The following NOL4L variants were observed in gnomAD, a reference collection of about 807,000 sequenced individuals.
NOL4L encodes the protein nucleolar protein 4 like.
NOL4L carries 7 observed loss-of-function variants against 64.5 expected under a neutral mutation model. The ratio of observed to expected loss-of-function variants is 0.11; its 90% confidence interval spans 0.06 to 0.20. NOL4L has a LOEUF of 0.20. NOL4L is among the 10% of genes least tolerant of loss of function. NOL4L has a pLI of 1.00. For synonymous variants in NOL4L, 413 were observed against 401.0 expected (o/e 1.03, Z -0.36); for missense variants, 680 against 967.1 (o/e 0.70, Z 3.94).
intron 2 of NOL4L, among the ~76,000 whole-genome samples, chr20:32,525,016 C>G (rs1026014491): frequency 1.3e-5 from 2 of 152,248 alleles, no homozygotes; most frequent in African/African-American, 2.4e-5. Context: ...AATTCCAGCT[C>G]TGTGTGCAGC....
chr20:32,479,346 C>T (rs750264391), intron 4 of NOL4L, among the ~76,000 whole-genome samples: 3 of 152,204 alleles, frequency 2.0e-5, no homozygotes, highest in Admixed American at 1.3e-4. Context: ...GGTCACAGGG[C>T]GCTTTTTACT....
chr20:32,482,093 T>C (rs932955983), intron 4 of NOL4L, among the ~76,000 whole-genome samples: 1 of 152,044 alleles, frequency 6.6e-6, no homozygotes, highest in African/African-American at 2.4e-5. Flanking sequence ...CCAAACACCA[T>C]TTCAGGTGAA....
Position 32,464,374 on chromosome 20 carries a change from G to A in NOL4L, c.842-7979C>T, listed in dbSNP as rs1035162003. 1.3e-5 allele frequency among the ~76,000 whole-genome samples: 2 copies of A among 152,204 alleles called. No homozygotes were observed. Among genetic ancestry groups the A allele is most frequent in the South Asian group, 4.1e-4 (2 of 4,830 alleles). On this transcript the variant is annotated intron_variant, in intron 5 of 10. Coordinates refer to ENST00000621426, the MANE Select transcript of NOL4L (RefSeq NM_001256798.2). This position sits in a 1 kb window ranked among gnomAD's most constrained non-coding sequence, Gnocchi z 5.6. ...TACCATCCGGGTGATGGGGCCACAC[G>A]GGGCACCTGCATTCTCCACGTGGCC...
intron 1 of NOL4L, among the ~76,000 whole-genome samples, chr20:32,529,270 G>A (rs938752807): frequency 6.6e-6 from 1 of 152,198 alleles, no homozygotes; most frequent in African/African-American, 2.4e-5. Context: ...ACTGAGTTGT[G>A]TGTGCAGCAC....
intron 4 of NOL4L, among the ~76,000 whole-genome samples, chr20:32,478,220 T>G (rs1248684805): frequency 6.7e-6 from 1 of 149,680 alleles, no homozygotes; most frequent in Non-Finnish European, 1.5e-5. Context: ...CAGAGGGAAC[T>G]CATGGGTGAT....
chr20:32,559,980 G>GCGGC (rs1488823652), intron 1 of NOL4L, among the ~76,000 whole-genome samples: 1 of 152,252 alleles, frequency 6.6e-6, no homozygotes, highest in Non-Finnish European at 1.5e-5. Context: ...CCAGACAAAG[G>GCGGC]CGGCGGTGTG....
chr20:32,524,394 C>T (rs1316654607), intron 2 of NOL4L, among the ~76,000 whole-genome samples: 3 of 152,248 alleles, frequency 2.0e-5, no homozygotes, highest in South Asian at 2.1e-4. Flanking sequence ...TCAGAAAGCT[C>T]ATTGCCTGCC....
chr20:32,494,268 AAAAAAAAAAAAAAAC>A (rs1346426515), intron 4 of NOL4L, among the ~76,000 whole-genome samples: 14 of 142,330 alleles, frequency 9.8e-5, no homozygotes, highest in African/African-American at 3.1e-4. Context: ...AAAAAAAAAA[AAAAAAAAAAAAAAAC>A]ACACAACACA....
chr20:32,506,550 A>T (rs189953310), intron 4 of NOL4L, among the ~76,000 whole-genome samples: 38 of 152,238 alleles, frequency 2.5e-4, no homozygotes, highest in African/African-American at 8.9e-4. Context: ...AATCTCAGCT[A>T]TTCAGGAGGC....
chr20:32,478,319 T>C (rs1352664157), intron 4 of NOL4L, among the ~76,000 whole-genome samples: 5 of 152,020 alleles, frequency 3.3e-5, no homozygotes, highest in Admixed American at 3.3e-4. Context: ...TTCAATGAGT[T>C]GTTGCACATT....
chr20:32,521,726 C>T (rs1306400674), intron 2 of NOL4L, among the ~76,000 whole-genome samples: 2 of 152,170 alleles, frequency 1.3e-5, no homozygotes, highest in African/African-American at 2.4e-5. Context: ...GTGTCCAGCC[C>T]TTTCCTCTTG....
At chr20:32,506,986 G>C (rs1467952960) in intron 4 of NOL4L, among the ~76,000 whole-genome samples, 1 of 152,182 alleles carries the variant, frequency 6.6e-6, no homozygotes, top group Non-Finnish European at 1.5e-5. Context: ...CATTAGCTCT[G>C]CTCCAGGAAC....
In NOL4L at chr20:32,460,593, G is replaced by T. The variant is rs1302996905; in HGVS notation, c.842-4198C>A. 1.3e-5 allele frequency among the ~76,000 whole-genome samples: 2 copies of T among 152,234 alleles called. No homozygotes were observed. Among genetic ancestry groups the T allele is most frequent in the Non-Finnish European group, 2.9e-5 (2 of 68,046 alleles). ...CCGTAAAACACGGTTCTAAGGTGAGGATGGTGCCCGAGATGGGGCAGGAGC... is the reference window on the plus strand; with the variant it reads ...CCGTAAAACACGGTTCTAAGGTGAGTATGGTGCCCGAGATGGGGCAGGAGC... On this transcript the variant is annotated intron_variant, in intron 5 of 10. Coordinates refer to ENST00000621426, the MANE Select transcript of NOL4L (RefSeq NM_001256798.2). The surrounding 1 kb of genome is among the most constrained non-coding windows in gnomAD (Gnocchi z 5.7).
Position 32,523,468 on chromosome 20 carries a change from C to T in NOL4L, c.478-2546G>A, listed in dbSNP as rs1057398450. Among the ~76,000 whole-genome samples the T allele has an allele frequency of 3.3e-5, 5 of 152,178 alleles. No homozygotes were observed. The South Asian group carries it at 1.0e-3, about 31-fold the overall frequency. On this transcript the variant is annotated intron_variant, in intron 2 of 10. Transcript: ENST00000621426. ...GGCTTGCCTGGGACCAGAAATGGGA[C>T]CTCCATTTCTGATTGAGTGCACGAA... is the stretch of plus-strand genomic sequence containing the variant.
At chr20:32,564,142 C>T (rs548170693) in intron 1 of NOL4L, among the ~76,000 whole-genome samples, 68 of 152,318 alleles carry the variant, frequency 4.5e-4, no homozygotes, top group Middle Eastern at 6.8e-3. Context: ...GTCTGTCTGT[C>T]CCCATGACAC....
chr20:32,459,114 G>A (rs963669231), intron 5 of NOL4L, among the ~76,000 whole-genome samples: 11 of 152,332 alleles, frequency 7.2e-5, no homozygotes, highest in Admixed American at 4.6e-4. Flanking sequence ...GTGGTTGGGC[G>A]GGTAAGACCC....
At chr20:32,452,461 TG>T in intron 9 of NOL4L, 24 bp from the exon 10 acceptor site, 1 of 1,536,666 alleles carries the variant, frequency 6.5e-7, no homozygotes, top group Non-Finnish European at 8.8e-7. Context: ...AGGGGGGCGC[TG>T]GGGAAACCAA....
At chr20:32,461,004 G>A (rs533533314) in intron 5 of NOL4L, among the ~76,000 whole-genome samples, 2 of 152,326 alleles carry the variant, frequency 1.3e-5, no homozygotes, top group South Asian at 2.1e-4. Context: ...TCGTGGCACC[G>A]GCTGTGGGCC....
intron 4 of NOL4L, chr20:32,483,310 G>T: frequency 1.0e-6 from 1 of 955,458 alleles, no homozygotes; most frequent in Non-Finnish European, 1.2e-6. Context: ...GGGGGCGGCG[G>T]CCCGGGCCCC....
Sources: gnomAD v4.1 joint callset for allele counts (sites outside exome capture counted in the v4.1 genomes callset) on GRCh38, gnomAD v4.1.1 for gene constraint, Gnocchi (gnomAD v3.1) non-coding constraint, MANE v1.5 for transcripts, NCBI Gene and HGNC (gene_info 2026-07-23, HGNC 2026-07-21) for gene names.